Variants in LMNB2 observed in about 807,000 individuals in gnomAD.
The protein encoded by LMNB2 is lamin B2, also known as lamin-B2.
LMNB2 carries 17 observed loss-of-function variants against 69.3 expected under a neutral mutation model. The observed-to-expected ratio is 0.25, with a 90% CI of 0.17 to 0.37. The LOEUF is 0.37. LMNB2 is among the 10% of genes least tolerant of loss of function. LMNB2 has a pLI of 1.00. For synonymous variants in LMNB2, 397 were observed against 389.3 expected (o/e 1.02, Z -0.23); for missense variants, 789 against 883.6 (o/e 0.89, Z 1.36).
intron 1 of LMNB2, 62 bp downstream of exon 1, chr19:2,456,608 C>T (rs1346608360): frequency 1.5e-6 from 2 of 1,348,956 alleles, no homozygotes; most frequent in Non-Finnish European, 1.9e-6. Context: ...CGATCGCGCG[C>T]CCCGCGGTGG....
chr19:2,444,650 G>GA (rs1377203123), intron 1 of LMNB2, 110 bp from the exon 2 acceptor site: 1 of 1,382,016 alleles, frequency 7.2e-7, no homozygotes, highest in Non-Finnish European at 1.0e-6. Context: ...CTGGCACGCA[G>GA]AGAGAGAGGA....
At chr19:2,454,292 CAAAAAAAAA>C (rs58800585) in intron 1 of LMNB2, among the ~76,000 whole-genome samples, 3 of 80,986 alleles carry the variant, frequency 3.7e-5, no homozygotes, top group Non-Finnish European at 2.5e-5. Context: ...GACTCTATCT[CAAAAAAAAA>C]AAAAAAAAAA....
chr19:2,444,621 C>G, intron 1 of LMNB2, 81 bp from the exon 2 acceptor site: 1 of 1,562,800 alleles, frequency 6.4e-7, no homozygotes, highest in South Asian at 1.1e-5. Flanking sequence ...GCCACTGGCC[C>G]TGCTCAGATT....
chr19:2,434,408 C>T lies in LMNB2; in HGVS notation c.1089G>A (p.Met363Ile). The T allele has an allele frequency of 6.2e-7, 1 of 1,613,484 alleles. No individual in the cohort carries two copies. The highest frequency in any genetic ancestry group is 8.5e-7 in the Non-Finnish European group (1 of 1,180,002). The change falls in exon 7 of 12, where the codon ATG (methionine) becomes ATA (isoleucine). Residue 363 changes from methionine (M) to isoleucine (I), a missense_variant. By Grantham distance (10) the Met-to-Ile change is conservative. Transcript: ENST00000325327. ...LDAKEQEMTEMRDVMQQQLAE... is the reference protein window; with the variant it reads ...LDAKEQEMTEIRDVMQQQLAE... ...CCAGCTGCTGCTGCATCACGTCCCGCATCTCCGTCATCTCCTGCTCCTTGG... is the reference window on the plus strand; with the variant it reads ...CCAGCTGCTGCTGCATCACGTCCCGTATCTCCGTCATCTCCTGCTCCTTGG...
chr19:2,431,532 G>T lies in LMNB2; in HGVS notation c.1821+16C>A. On this transcript the variant is annotated intron_variant, in intron 11 of 11. Transcript: ENST00000325327. ...AGAGGCTGCCCCCCAGCCGCAAGTG[G>T]GCACAGGGGTCCTACCTGTTGGTGG... The T allele has an allele frequency of 9.3e-6, 15 of 1,613,930 alleles. No homozygotes were observed. The highest frequency in any genetic ancestry group is 1.3e-5 in the Non-Finnish European group (15 of 1,179,884).
intron 2 of LMNB2, 81 bp from the exon 3 acceptor site, chr19:2,438,612 G>A: frequency 6.5e-7 from 1 of 1,530,428 alleles, no homozygotes; most frequent in Non-Finnish European, 8.9e-7. Context: ...CGTCAGGCAA[G>A]CCCAAAGACA....
rs1287788426 is a variant in LMNB2 at position 2,434,773 on chromosome 19, C to T, written c.981+15G>A. On this transcript the variant is annotated intron_variant, in intron 6 of 11. Transcript: ENST00000325327. ...GGGCCAGGGGGACGGCAGACGGTGG[C>T]GCTGTGCTCATCACCTGCTTCTGGA... 7.5e-6 allele frequency: 12 copies of T among 1,598,848 alleles called. 1 individual carries two copies. The highest frequency in any genetic ancestry group is 6.9e-5 in the Admixed American group (4 of 58,262).
rs1279740924 is a variant in LMNB2, at chr19:2,428,747, A to T, written c.*2164T>A. 1 of 152,254 alleles carries T rather than the reference A, an allele frequency of 6.6e-6. No homozygotes were observed. The highest frequency in any genetic ancestry group is 6.5e-5 in the Admixed American group (1 of 15,286). The allele number at this position is 152,254 out of a possible 1,614,324, so 9.4% of individuals were successfully genotyped here. On this transcript the variant is annotated 3_prime_UTR_variant, in exon 12 of 12. Coordinates refer to ENST00000325327, the MANE Select transcript of LMNB2 (RefSeq NM_032737.4). ...CACAGCTAAGCGTATTTGGGGACAA[A>T]TGCAAATTGTTTCCCAGGCCATAAA...
chr19:2,456,642 C>G, intron 1 of LMNB2, 28 bp downstream of exon 1: 3 of 1,463,112 alleles, frequency 2.1e-6, no homozygotes, highest in Non-Finnish European at 2.7e-6. Context: ...GCTGCACCCC[C>G]GCCCGGCCCC....
In LMNB2 at chr19:2,434,483, C is replaced by T. The variant is rs746094584; in HGVS notation, c.1014G>A (p.Leu338=). The T allele has an allele frequency of 3.1e-6, 5 of 1,613,148 alleles. No homozygotes were observed. In the African/African-American group the frequency reaches 4.0e-5, roughly 13 times the overall value. ...CCCGCTCCCCGGCCATGGCCTCCTCCAGCTCCCGAATGCGATCTTCAGCGG... is the reference window on the plus strand; with the variant it reads ...CCCGCTCCCCGGCCATGGCCTCCTCTAGCTCCCGAATGCGATCTTCAGCGG... ...ASAAEDRIRE[L]EEAMAGERDK... is the part of the protein sequence containing the mutation. The change falls in exon 7 of 12, where the codon CTG becomes CTA. Residue 338 remains leucine, a synonymous_variant. Coordinates refer to ENST00000325327, the MANE Select transcript of LMNB2 (RefSeq NM_032737.4).
intron 4 of LMNB2, chr19:2,436,660 C>T (rs2145451685): frequency 6.5e-6 from 1 of 152,766 alleles, no homozygotes. Context: ...TCCACGGCCG[C>T]CCTCTCGCCT....
chr19:2,448,247 T>C (rs906713057), intron 1 of LMNB2, among the ~76,000 whole-genome samples: 1 of 152,104 alleles, frequency 6.6e-6, no homozygotes, highest in African/African-American at 2.4e-5. Flanking sequence ...GGTGCAGGCA[T>C]GGTGGTGTCT....
chr19:2,454,983 C>T (rs1287877225), intron 1 of LMNB2, among the ~76,000 whole-genome samples: 2 of 152,088 alleles, frequency 1.3e-5, no homozygotes, highest in South Asian at 2.1e-4. Flanking sequence ...CACTTTCCAC[C>T]GGACCCAAGA....
chr19:2,447,936 T>C lies in LMNB2; in HGVS notation c.265-3396A>G, dbSNP rs1417623476. On this transcript the variant is annotated intron_variant, in intron 1 of 11. Coordinates refer to ENST00000325327, the MANE Select transcript of LMNB2 (RefSeq NM_032737.4). The surrounding 1 kb of genome is among the most constrained non-coding windows in gnomAD (Gnocchi z 4.4). ...GCCTACAGTGGGGCGGGATAAGGGT[T>C]CCCAACCTGATTTTATGTATGGGAA... Among the ~76,000 whole-genome samples, 1 of 152,142 alleles carries C rather than the reference T, an allele frequency of 6.6e-6. No individual in the cohort carries two copies. Among genetic ancestry groups the C allele is most frequent in the Non-Finnish European group, 1.5e-5 (1 of 68,032 alleles).
At chr19:2,451,269 G>A (rs536315697) in intron 1 of LMNB2, among the ~76,000 whole-genome samples, 1 of 152,266 alleles carries the variant, frequency 6.6e-6, no homozygotes, top group East Asian at 1.9e-4. Flanking sequence ...AGGCCAGGGG[G>A]GAAGATGAAG....
chr19:2,456,065 C>T (rs897007699), intron 1 of LMNB2, among the ~76,000 whole-genome samples: 10 of 150,764 alleles, frequency 6.6e-5, no homozygotes, highest in African/African-American at 2.4e-4. Context: ...CCCCTGGAGA[C>T]CCCAAGCCGG....
At chr19:2,444,854 C>T (rs960304134) in intron 1 of LMNB2, among the ~76,000 whole-genome samples, 1 of 152,230 alleles carries the variant, frequency 6.6e-6, no homozygotes, top group Admixed American at 6.5e-5. Flanking sequence ...GCTCCCAGAA[C>T]AGCGGCGCCC....
intron 1 of LMNB2, among the ~76,000 whole-genome samples, chr19:2,454,678 G>C (rs974865895): frequency 6.6e-6 from 1 of 152,066 alleles, no homozygotes; most frequent in African/African-American, 2.4e-5. Flanking sequence ...TGCAAATCCC[G>C]ACTTCGGCAC....
chr19:2,438,867 C>A (rs1389443067), intron 2 of LMNB2, among the ~76,000 whole-genome samples: 2 of 152,098 alleles, frequency 1.3e-5, no homozygotes, highest in Non-Finnish European at 2.9e-5. Context: ...GTTACAAAGA[C>A]CCTGGCCTTT....
Sources: gnomAD v4.1 joint callset for allele counts (sites outside exome capture counted in the v4.1 genomes callset) on GRCh38, gnomAD v4.1.1 for gene constraint, Gnocchi (gnomAD v3.1) non-coding constraint, MANE v1.5 for transcripts, NCBI Gene and HGNC (gene_info 2026-07-23, HGNC 2026-07-21) for gene names.